The following CYP4F22 variants were observed in gnomAD, a reference collection of about 807,000 sequenced individuals.
CYP4F22 encodes ultra-long-chain fatty acid omega-hydroxylase.
CYP4F22 carries 37 observed loss-of-function variants against 60.4 expected under a neutral mutation model. That is an observed-to-expected ratio of 0.61 (90% CI 0.47 to 0.81). The LOEUF is 0.81. CYP4F22 is among the 30% of genes least tolerant of loss of function. The pLI, the probability that CYP4F22 is intolerant of heterozygous loss-of-function variation, is 0.00. For missense variants in CYP4F22, 655 were observed against 715.0 expected (o/e 0.92, Z 0.96); for synonymous variants, 258 against 280.5 (o/e 0.92, Z 0.80).
intron 3 of CYP4F22, among the ~76,000 whole-genome samples, chr19:15,525,854 C>T (rs907111998): frequency 2.6e-5 from 4 of 152,046 alleles, no homozygotes; most frequent in South Asian, 4.2e-4. Context: ...TAGTGAGACC[C>T]CCTCTCTACA....
rs1033717617 is a variant in CYP4F22 at position 15,535,916 on chromosome 19, G to C, written c.368-1445G>C. Reference sequence around the variant, plus strand: ...TGGATACAATCCAGAGTGACTGCTGGGTCAGGGGTGGGGAGAAGCATTCAA... The same window carrying C: ...TGGATACAATCCAGAGTGACTGCTGCGTCAGGGGTGGGGAGAAGCATTCAA... On this transcript the variant is annotated intron_variant, in intron 4 of 13. Coordinates refer to ENST00000269703, the MANE Select transcript of CYP4F22 (RefSeq NM_173483.4). 5.3e-5 allele frequency among the ~76,000 whole-genome samples: 8 copies of C among 152,338 alleles called. No individual in the cohort carries two copies. In the South Asian group the frequency reaches 1.4e-3, roughly 28 times the overall value.
At chr19:15,529,113 T>G (rs947335040) in intron 3 of CYP4F22, among the ~76,000 whole-genome samples, 3 of 132,594 alleles carry the variant, frequency 2.3e-5, no homozygotes, top group African/African-American at 8.9e-5. Flanking sequence ...CTGGCTAATT[T>G]TATCTTCTTA....
chr19:15,532,833 C>T (rs189136490), intron 4 of CYP4F22, among the ~76,000 whole-genome samples: 1 of 152,302 alleles, frequency 6.6e-6, no homozygotes, highest in African/African-American at 2.4e-5. Flanking sequence ...CTCTTGCCCT[C>T]CCCTCATCCA....
chr19:15,533,911 T>C (rs944217939), intron 4 of CYP4F22, among the ~76,000 whole-genome samples: 7 of 152,158 alleles, frequency 4.6e-5, no homozygotes, highest in African/African-American at 1.4e-4. Flanking sequence ...TATGAACATA[T>C]GTGTTCAAGT....
intron 7 of CYP4F22, among the ~76,000 whole-genome samples, chr19:15,539,670 C>A (rs1378121403): frequency 6.6e-6 from 1 of 152,198 alleles, no homozygotes; most frequent in South Asian, 2.1e-4. Flanking sequence ...GCTCTCCCAA[C>A]CAGTGATGTA....
At chr19:15,546,614 ACTAAT>A (rs201354239) in intron 10 of CYP4F22, among the ~76,000 whole-genome samples, 3,006 of 152,298 alleles carry the variant, frequency 0.02, 97 homozygotes, top group African/African-American at 0.068. Flanking sequence ...ATTTAAAGAA[ACTAAT>A]CTAATCTAGA....
intron 1 of CYP4F22, chr19:15,516,657 T>C: frequency 2.3e-6 from 1 of 436,722 alleles, no homozygotes; most frequent in Non-Finnish European, 4.3e-6. Context: ...CTTATAACAC[T>C]ATGGCTGATC....
At chr19:15,537,470 A>G in intron 5 of CYP4F22, 56 bp downstream of exon 5, 16 of 1,614,090 alleles carry the variant, frequency 9.9e-6, no homozygotes, top group Non-Finnish European at 1.3e-5. Context: ...AGGGAAGAGC[A>G]TGGGGTTCCT....
chr19:15,519,990 T>G (rs1971202199), intron 1 of CYP4F22, among the ~76,000 whole-genome samples: 1 of 152,150 alleles, frequency 6.6e-6, no homozygotes, highest in South Asian at 2.1e-4. Context: ...ATCCAGATGT[T>G]CATCGTGTAT....
chr19:15,525,694 G>C lies in CYP4F22; in HGVS notation c.222+136G>C, dbSNP rs142924641. ...GCTAGCAGCAGATTTATATGATGGG[G>C]TATGAGGCTGAGGCTCAGAGAGGGC... On this transcript the variant is annotated intron_variant, in intron 3 of 13. Transcript: ENST00000269703. 4.5e-4 allele frequency: 384 copies of C among 848,780 alleles called. 2 individuals carry two copies. In the African/African-American group the frequency reaches 5.4e-3, roughly 12 times the overall value. The allele number at this position is 848,780 out of a possible 1,614,324, so 52.6% of individuals were successfully genotyped here.
intron 1 of CYP4F22, among the ~76,000 whole-genome samples, chr19:15,518,607 C>CCACTG (rs1971182878): frequency 1.4e-5 from 2 of 141,186 alleles, no homozygotes; most frequent in South Asian, 4.4e-4. Flanking sequence ...CGAGATCGCG[C>CCACTG]CACTGCACTC....
intron 13 of CYP4F22, among the ~76,000 whole-genome samples, chr19:15,551,026 G>A (rs1033350123): frequency 6.6e-6 from 1 of 152,160 alleles, no homozygotes; most frequent in Admixed American, 6.5e-5. Flanking sequence ...CGTTTTTACA[G>A]ATGAAGGAAC....
At chr19:15,542,386 T>A (rs868340063) in intron 8 of CYP4F22, among the ~76,000 whole-genome samples, 7 of 124,040 alleles carry the variant, frequency 5.6e-5, no homozygotes, top group South Asian at 5.2e-4. Flanking sequence ...AAAAAAAAAA[T>A]ATTAGCCGGG....
intron 11 of CYP4F22, 90 bp downstream of exon 11, chr19:15,548,331 A>C: frequency 6.4e-7 from 1 of 1,565,696 alleles, no homozygotes; most frequent in Non-Finnish European, 8.7e-7. Flanking sequence ...TGCCTGCCCC[A>C]GGTGCACTAT....
rs974867988 is a variant in CYP4F22 at position 15,537,212 on chromosome 19, A to G, written c.368-149A>G. ...GCTACTCAGGAGGCAGAGGCAGGAA[A>G]ACTGCTTGAACCTGGGAGGCGGAGG... On this transcript the variant is annotated intron_variant, in intron 4 of 13. Transcript: ENST00000269703. 3.0e-6 allele frequency: 3 copies of G among 1,004,652 alleles called. No individual in the cohort carries two copies. In the African/African-American group the frequency reaches 4.8e-5, roughly 16 times the overall value. The allele number at this position is 1,004,652 out of a possible 1,614,324, so 62.2% of individuals were successfully genotyped here. A position where few individuals can be genotyped will look rare whatever the true frequency, so the allele number is the denominator to read the frequency against.
intron 1 of CYP4F22, among the ~76,000 whole-genome samples, chr19:15,523,010 C>T (rs1298979198): frequency 2.6e-5 from 4 of 151,642 alleles, no homozygotes; most frequent in Non-Finnish European, 5.9e-5. Flanking sequence ...TGCACCCGGC[C>T]AACAAATTTC....
intron 1 of CYP4F22, among the ~76,000 whole-genome samples, chr19:15,509,900 C>CCTTT (rs994158416): frequency 1.1e-5 from 1 of 87,806 alleles, no homozygotes; most frequent in Non-Finnish European, 2.5e-5. Flanking sequence ...TTCCTTCCTT[C>CCTTT]CTTCCTTTCT....
chr19:15,551,634 G>C lies in CYP4F22; in HGVS notation c.*163G>C. ...TGAGCAGCCTGGTGGTACTGGCCAC[G>C]CCCCTCAAGGCAAGGCTCCTCCCCT... On this transcript the variant is annotated 3_prime_UTR_variant, in exon 14 of 14. Transcript: ENST00000269703. The C allele has an allele frequency of 1.1e-6, 1 of 886,796 alleles. No homozygotes were observed. Among genetic ancestry groups the C allele is most frequent in the Non-Finnish European group, 1.7e-6 (1 of 595,998 alleles). The allele number at this position is 886,796 out of a possible 1,614,324, so 54.9% of individuals were successfully genotyped here. A position where few individuals can be genotyped will look rare whatever the true frequency, so the allele number is the denominator to read the frequency against.
chr19:15,524,667 A>G (rs1005192730), intron 2 of CYP4F22, among the ~76,000 whole-genome samples: 230 of 137,524 alleles, frequency 1.7e-3, no homozygotes, highest in Non-Finnish European at 2.9e-3. Flanking sequence ...AGAAAGAAAG[A>G]AGGAGAGAGA....
Sources: allele counts gnomAD v4.1 joint callset (sites outside exome capture counted in the v4.1 genomes callset), GRCh38; gene constraint gnomAD v4.1.1; transcripts MANE v1.5; gene names NCBI Gene and HGNC (gene_info 2026-07-23, HGNC 2026-07-21).